The following SPAG16 variants were observed in gnomAD, a reference collection of about 807,000 sequenced individuals.
SPAG16 encodes sperm-associated antigen 16 protein.
In SPAG16, 86 loss-of-function variants were observed where a neutral mutation model predicts 80.4. The observed-to-expected ratio is 1.07, with a 90% confidence interval of 0.90 to 1.28. The LOEUF is 1.28. Ranked by LOEUF, SPAG16 falls within the 50% of genes most tolerant of loss-of-function variation. The probability of loss-of-function intolerance (pLI) is 0.00; values close to 1 mark genes in which losing one functional copy is unlikely to be tolerated. For synonymous variants in SPAG16, 294 were observed against 265.9 expected (o/e 1.11, Z -1.03); for missense variants, 870 against 765.3 (o/e 1.14, Z -1.61).
intron 14 of SPAG16, among the ~76,000 whole-genome samples, chr2:214,118,561 T>C (rs1395300918): frequency 6.6e-6 from 1 of 152,078 alleles, no homozygotes; most frequent in Non-Finnish European, 1.5e-5. Flanking sequence ...CTTCACATGG[T>C]GGCGGCAGAA....
At chr2:213,653,116 C>CT (rs1398717819) in intron 10 of SPAG16, among the ~76,000 whole-genome samples, 3 of 150,608 alleles carry the variant, frequency 2.0e-5, no homozygotes, top group African/African-American at 4.9e-5. Flanking sequence ...TCAAAGAAGT[C>CT]TTTTTTTACA....
intron 15 of SPAG16, among the ~76,000 whole-genome samples, chr2:214,186,408 G>A (rs746189102): frequency 2.0e-5 from 3 of 152,140 alleles, no homozygotes; most frequent in Non-Finnish European, 4.4e-5. Flanking sequence ...GCAGGAGAGA[G>A]GGGAAGATGA....
intron 3 of SPAG16, among the ~76,000 whole-genome samples, chr2:213,308,525 G>A (rs985832453): frequency 2.0e-5 from 3 of 152,094 alleles, no homozygotes; most frequent in South Asian, 2.1e-4. Context: ...CTTGAGGATA[G>A]CCACCTGGGA....
chr2:214,174,692 A>C (rs1046138741), intron 15 of SPAG16, among the ~76,000 whole-genome samples: 1 of 151,730 alleles, frequency 6.6e-6, no homozygotes, highest in African/African-American at 2.4e-5. Flanking sequence ...TCTGTGCCAT[A>C]CATACAGTAT....
intron 13 of SPAG16, among the ~76,000 whole-genome samples, chr2:214,045,098 C>T (rs536702196): frequency 6.6e-6 from 1 of 152,242 alleles, no homozygotes; most frequent in South Asian, 2.1e-4. Context: ...TCCCCCAGCC[C>T]CAGGCTGCAC....
chr2:213,961,310 G>T (rs574618242), intron 12 of SPAG16, among the ~76,000 whole-genome samples: 1 of 151,824 alleles, frequency 6.6e-6, no homozygotes, highest in Non-Finnish European at 1.5e-5. Context: ...ATGTATATTC[G>T]AGTTTTCTAC....
At chr2:213,878,336 A>G (rs1470289194) in intron 11 of SPAG16, among the ~76,000 whole-genome samples, 1 of 152,024 alleles carries the variant, frequency 6.6e-6, no homozygotes, top group Non-Finnish European at 1.5e-5. Context: ...ATCATTGCCA[A>G]TATTTATTTT....
At chr2:213,681,990 G>C in intron 10 of SPAG16, among the ~76,000 whole-genome samples, 1 of 152,078 alleles carries the variant, frequency 6.6e-6, no homozygotes, top group East Asian at 1.9e-4. Flanking sequence ...TGTTACAGCT[G>C]TCCTCTGGCA....
intron 3 of SPAG16, among the ~76,000 whole-genome samples, chr2:213,302,798 T>A (rs1179421626): frequency 6.6e-6 from 1 of 152,112 alleles, no homozygotes; most frequent in Non-Finnish European, 1.5e-5. Context: ...GGTGTGTGCA[T>A]GGTGCACATT....
At chr2:213,777,338 C>T (rs2069660755) in intron 10 of SPAG16, among the ~76,000 whole-genome samples, 1 of 149,382 alleles carries the variant, frequency 6.7e-6, no homozygotes, top group South Asian at 2.1e-4. Flanking sequence ...CCTCCACCTC[C>T]CAGGTTCAAG....
intron 10 of SPAG16, among the ~76,000 whole-genome samples, chr2:213,606,976 A>G: frequency 6.6e-6 from 1 of 152,220 alleles, no homozygotes; most frequent in South Asian, 2.1e-4. Flanking sequence ...ATGGAAGAAA[A>G]CAGCAGAGAC....
rs1387498207 is a variant in SPAG16, at chr2:213,407,633, GAGAGAGAC to G, written c.942+32518_942+32525del. Reference sequence around the variant, plus strand: ...AGAGAGAGAGAGAGAGAGAGAGAGAGAGAGAGACAGACAGACAGGAGAGAGAGAGGGGG... The same window carrying G: ...AGAGAGAGAGAGAGAGAGAGAGAGAGAGACAGACAGGAGAGAGAGAGGGGG... On this transcript the variant is annotated intron_variant, in intron 9 of 15. Coordinates refer to ENST00000331683, the MANE Select transcript of SPAG16 (RefSeq NM_024532.5). Among the ~76,000 whole-genome samples, 256 of 76,112 alleles carry G rather than the reference GAGAGAGAC, an allele frequency of 3.4e-3. 2 individuals carry two copies. Among genetic ancestry groups the G allele is most frequent in the Non-Finnish European group, 4.9e-3 (124 of 25,466 alleles). The allele number at this position is 76,112 out of a possible 152,430, so 49.9% of individuals were successfully genotyped here.
rs142240131 is a variant in SPAG16, at chr2:214,288,296, A to G, written c.1721-121844A>G. Among the ~76,000 whole-genome samples, 260 of 152,280 alleles carry G rather than the reference A, an allele frequency of 1.7e-3. 2 individuals carry two copies. Among genetic ancestry groups the G allele is most frequent in the African/African-American group, 5.7e-3 (235 of 41,572 alleles). ...AAATAGTATTCCTTTGTGTAAATATACTGTATTTTTAAAAAATCCACTTAT... is the reference window on the plus strand; with the variant it reads ...AAATAGTATTCCTTTGTGTAAATATGCTGTATTTTTAAAAAATCCACTTAT... On this transcript the variant is annotated intron_variant, in intron 15 of 15. Transcript: ENST00000331683.
intron 7 of SPAG16, among the ~76,000 whole-genome samples, chr2:213,358,689 C>T (rs181754338): frequency 6.6e-5 from 10 of 152,234 alleles, no homozygotes; most frequent in East Asian, 1.9e-4. Context: ...AGCTTCCTTG[C>T]GATGGGTTAG....
At chr2:213,538,990 A>C (rs2076340633) in intron 10 of SPAG16, among the ~76,000 whole-genome samples, 1 of 152,178 alleles carries the variant, frequency 6.6e-6, no homozygotes, top group Admixed American at 6.6e-5. Context: ...ACAGTGATCT[A>C]TAAAAATGCA....
chr2:214,262,880 T>C (rs1691279275), intron 15 of SPAG16, among the ~76,000 whole-genome samples: 2 of 152,138 alleles, frequency 1.3e-5, no homozygotes, highest in African/African-American at 2.4e-5. Context: ...TGATGTTAAA[T>C]TGTGGTGTTT....
chr2:213,874,843 A>G (rs2106000972), intron 11 of SPAG16, among the ~76,000 whole-genome samples: 1 of 152,278 alleles, frequency 6.6e-6, no homozygotes, highest in East Asian at 1.9e-4. Flanking sequence ...GAAGAAGTGG[A>G]GAATTAGGAC....
chr2:214,268,721 C>T (rs1008272553), intron 15 of SPAG16, among the ~76,000 whole-genome samples: 5 of 150,940 alleles, frequency 3.3e-5, no homozygotes, highest in Middle Eastern at 6.8e-3. Context: ...ATGAATATAA[C>T]AAGAGGCAGC....
chr2:213,458,432 CGTG>C (rs1173534146), intron 9 of SPAG16, among the ~76,000 whole-genome samples: 1 of 151,678 alleles, frequency 6.6e-6, no homozygotes, highest in Non-Finnish European at 1.5e-5. Flanking sequence ...AGTAGCTGGG[CGTG>C]GTGGTGACTG....
Sources: allele counts gnomAD v4.1 joint callset (sites outside exome capture counted in the v4.1 genomes callset), GRCh38; gene constraint gnomAD v4.1.1; transcripts MANE v1.5; gene names NCBI Gene and HGNC (gene_info 2026-07-23, HGNC 2026-07-21).